SF3B3: variants seen among roughly 807,000 people sequenced by gnomAD.
SF3B3 encodes SAP 130.
Under a neutral mutation model 139.2 loss-of-function variants are expected in SF3B3, and 33 were observed. The observed-to-expected ratio is 0.24, with a 90% CI of 0.18 to 0.32. The LOEUF (loss-of-function observed/expected upper bound fraction) is 0.32. Ranked by LOEUF, SF3B3 falls within the 10% of genes least tolerant of loss-of-function variation. The probability of loss-of-function intolerance (pLI) is 1.00; values close to 1 mark genes in which losing one functional copy is unlikely to be tolerated. For missense variants in SF3B3, 818 were observed against 1,509.4 expected, an observed-to-expected ratio of 0.54 and a Z score of 7.59; for synonymous variants, 596 against 563.6, an observed-to-expected ratio of 1.06 and a Z score of -0.81.
At chr16:70,555,003 G>A (rs1320309298) in intron 12 of SF3B3, 48 bp from the exon 13 acceptor site, 9 of 1,579,324 alleles carry the variant, frequency 5.7e-6, no homozygotes, top group Middle Eastern at 1.7e-4. Context: ...CATTCTGAGT[G>A]ATGAATCAAA....
At chr16:70,548,643 G>A (rs776430598) in intron 11 of SF3B3, 3 of 549,456 alleles carry the variant, frequency 5.5e-6, no homozygotes, top group Non-Finnish European at 9.8e-6. Flanking sequence ...GTGGGAAAGG[G>A]GGAACATAGG....
At chr16:70,542,666 C>T (rs1028358772) in intron 9 of SF3B3, among the ~76,000 whole-genome samples, 2 of 151,824 alleles carry the variant, frequency 1.3e-5, no homozygotes, top group African/African-American at 4.8e-5. Context: ...TTCTGAGAAA[C>T]GATTAGTCTT....
rs1223030031 is a variant in SF3B3, at chr16:70,560,373, C to T, written c.2011-96C>T. The T allele has an allele frequency of 1.0e-5, 13 of 1,288,094 alleles. No homozygotes were observed. In the Admixed American group the frequency reaches 2.4e-4, roughly 24 times the overall value. 79.8% of individuals were successfully genotyped at this position (1,288,094 alleles called of 1,614,324 possible). On this transcript the variant is annotated intron_variant, in intron 15 of 25. Coordinates refer to ENST00000302516, the MANE Select transcript of SF3B3 (RefSeq NM_012426.5). Reference sequence around the variant, plus strand: ...CACCCAAGTCATTTCTTTCTATCTGCTCTAATTTCTTATGTGAAGTACCCA... The same window carrying T: ...CACCCAAGTCATTTCTTTCTATCTGTTCTAATTTCTTATGTGAAGTACCCA...
At position 70,561,851 on chromosome 16, in the gene SF3B3, C is replaced by T; in HGVS notation, c.2288+67C>T. 2.8e-6 allele frequency: 4 copies of T among 1,432,634 alleles called. No individual in the cohort carries two copies. In the Admixed American group the frequency reaches 5.3e-5, roughly 19 times the overall value. 88.7% of individuals were successfully genotyped at this position (1,432,634 alleles called of 1,614,324 possible). On this transcript the variant is annotated intron_variant, in intron 17 of 25. Transcript: ENST00000302516. ...TGCCAAGGGCTCAGACTGGTTCTGC[C>T]AGAGTGTTGGAGGAGGCTGTGAAGA...
chr16:70,571,723 C>T lies in SF3B3; in HGVS notation c.3564C>T (p.Asn1188=). 6.2e-7 allele frequency: 1 copy of T among 1,614,100 alleles called. No homozygotes were observed. The highest frequency in any genetic ancestry group is 1.6e-4 in the Middle Eastern group (1 of 6,062). ...LCEQFNSMEP[N]KQKNVSEELD... is the part of the protein sequence containing the mutation. ...AGCAGTTCAATTCCATGGAACCCAA[C>T]AAACAAAAGAACGTCTCTGAAGAAC... Residue 1188 remains asparagine (N), a synonymous_variant, in exon 26 of 26, where the codon AAC becomes AAT. Coordinates refer to ENST00000302516, the MANE Select transcript of SF3B3 (RefSeq NM_012426.5).
At chr16:70,549,779 G>A (rs1161214137) in intron 11 of SF3B3, among the ~76,000 whole-genome samples, 1 of 152,060 alleles carries the variant, frequency 6.6e-6, no homozygotes. Flanking sequence ...ACAAAAATTA[G>A]CTGGGCGTGG....
At chr16:70,525,892 C>T (rs1271454621) in intron 1 of SF3B3, among the ~76,000 whole-genome samples, 2 of 134,006 alleles carry the variant, frequency 1.5e-5, no homozygotes, top group East Asian at 2.5e-4. Flanking sequence ...ACCCAGGAGG[C>T]GGAGCTTGCA....
Position 70,573,576 on chromosome 16 carries a change from A to C in SF3B3, c.*1763A>C, listed in dbSNP as rs1042073221. The stretch of plus-strand genomic sequence containing the variant: ...AAGGATTTGGGCTTGAATATGTGGA[A>C]AGGAATTTTCATAGTTGTTGCTGCA... On this transcript the variant is annotated 3_prime_UTR_variant, in exon 26 of 26. Coordinates refer to ENST00000302516, the MANE Select transcript of SF3B3 (RefSeq NM_012426.5). 2 of 152,218 alleles carry C rather than the reference A, an allele frequency of 1.3e-5. No homozygotes were observed. Among genetic ancestry groups the C allele is most frequent in the Non-Finnish European group, 2.9e-5 (2 of 68,046 alleles). The allele number at this position is 152,218 out of a possible 1,614,324, so 9.4% of individuals were successfully genotyped here. A position where few individuals can be genotyped will look rare whatever the true frequency, so the allele number is the denominator to read the frequency against.
intron 11 of SF3B3, among the ~76,000 whole-genome samples, chr16:70,551,600 G>T (rs772058471): frequency 6.6e-6 from 1 of 152,144 alleles, no homozygotes; most frequent in Non-Finnish European, 1.5e-5. Context: ...TACTAGAGAG[G>T]CTGAGGCAGG....
At chr16:70,531,695 A>C (rs1048254375) in intron 4 of SF3B3, among the ~76,000 whole-genome samples, 1 of 152,260 alleles carries the variant, frequency 6.6e-6, no homozygotes, top group African/African-American at 2.4e-5. Flanking sequence ...TCTCTGATTT[A>C]AGTAATCTCC....
At chr16:70,550,734 G>A in intron 11 of SF3B3, 1 of 900,704 alleles carries the variant, frequency 1.1e-6, no homozygotes, top group Non-Finnish European at 1.3e-6. Context: ...CCAAGGAGAG[G>A]GACCTGCACA....
At chr16:70,546,370 G>A (rs1238663762) in intron 10 of SF3B3, among the ~76,000 whole-genome samples, 4 of 152,298 alleles carry the variant, frequency 2.6e-5, no homozygotes, top group East Asian at 3.9e-4. Flanking sequence ...GCATATGTGC[G>A]GCTGGGCACG....
intron 18 of SF3B3, among the ~76,000 whole-genome samples, chr16:70,564,295 C>A (rs1017980859): frequency 6.6e-5 from 10 of 152,090 alleles, no homozygotes; most frequent in Non-Finnish European, 1.2e-4. Context: ...TCACTTGAGC[C>A]CAGGAGTTCA....
intron 11 of SF3B3, among the ~76,000 whole-genome samples, chr16:70,549,974 A>G (rs1391605157): frequency 6.6e-6 from 1 of 152,184 alleles, no homozygotes; most frequent in Non-Finnish European, 1.5e-5. Flanking sequence ...GTTAACTCTC[A>G]CTTTTATGAA....
At chr16:70,529,511 G>C in intron 3 of SF3B3, 1 of 320,028 alleles carries the variant, frequency 3.1e-6, no homozygotes. Context: ...GCTTTCATCA[G>C]CCTGAAGTGA....
rs980015837 is a variant in SF3B3, at chr16:70,576,069, C to T, written c.*4256C>T. The stretch of plus-strand genomic sequence containing the variant: ...TCTACAAAAAATTCAAAAAGCCGGG[C>T]GTGAAGCCCTGTTTTTTTTTTTTTA... On this transcript the variant is annotated 3_prime_UTR_variant, in exon 26 of 26. Transcript: ENST00000302516. 8.1e-5 allele frequency: 12 copies of T among 148,788 alleles called. No homozygotes were observed. The highest frequency in any genetic ancestry group is 2.5e-4 in the African/African-American group (10 of 40,528). The allele number at this position is 148,788 out of a possible 1,614,324, so 9.2% of individuals were successfully genotyped here.
At chr16:70,538,132 ATTTTAT>A in intron 6 of SF3B3, 185 bp from the exon 7 acceptor site, 1 of 727,022 alleles carries the variant, frequency 1.4e-6, no homozygotes, top group Non-Finnish European at 2.5e-6. Flanking sequence ...GGTTACCCAG[ATTTTAT>A]TAGATATTTA....
chr16:70,526,478 A>C (rs1342535141), intron 1 of SF3B3, 109 bp from the exon 2 acceptor site: 1 of 574,192 alleles, frequency 1.7e-6, no homozygotes, highest in Non-Finnish European at 3.1e-6. Context: ...GTTGTTTCTT[A>C]ATAGGGCTTG....
intron 5 of SF3B3, among the ~76,000 whole-genome samples, chr16:70,534,585 G>T (rs2050149335): frequency 6.6e-6 from 1 of 152,174 alleles, no homozygotes; most frequent in Non-Finnish European, 1.5e-5. Flanking sequence ...ATTCTCTAAG[G>T]TGGAGAATCT....
Sources: allele counts gnomAD v4.1 joint callset (sites outside exome capture counted in the v4.1 genomes callset), GRCh38; gene constraint gnomAD v4.1.1; transcripts MANE v1.5; gene names NCBI Gene and HGNC (gene_info 2026-07-23, HGNC 2026-07-21).